DDX4: variants seen among roughly 807,000 people sequenced by gnomAD.
The protein encoded by DDX4 is probable ATP-dependent RNA helicase DDX4.
Under a neutral mutation model 100.0 loss-of-function variants are expected in DDX4, and 25 were observed. The observed-to-expected ratio is 0.25, with a 90% CI of 0.18 to 0.35. The LOEUF is 0.35. Among genes scored for constraint, DDX4 ranks in the 10% least tolerant of loss-of-function variants. The pLI, the probability that DDX4 is intolerant of heterozygous loss-of-function variation, is 1.00. For synonymous variants in DDX4, 259 were observed against 275.7 expected (o/e 0.94, Z 0.60); for missense variants, 635 against 882.4 (o/e 0.72, Z 3.55).
Position 55,787,901 on chromosome 5 carries a change from G to C in DDX4, c.1073G>C (p.Ser358Thr), listed in dbSNP as rs145392405. 2.5e-6 allele frequency: 4 copies of C among 1,613,858 alleles called. No individual in the cohort carries two copies. Among genetic ancestry groups the C allele is most frequent in the Non-Finnish European group, 3.4e-6 (4 of 1,179,976 alleles). ...ATGATGCATGATGGAATAACTGCCAGTCGTTTTAAAGAGTTGCAGGAACCA... is the reference window on the plus strand; with the variant it reads ...ATGATGCATGATGGAATAACTGCCACTCGTTTTAAAGAGTTGCAGGAACCA... ...AHMMHDGITA[S>T]RFKELQEPEC... Residue 358 changes from serine (S) to threonine (T), a missense_variant, in exon 15 of 22, where the codon AGT becomes ACT. By Grantham distance (58) the Ser-to-Thr change is moderately conservative. Around this residue, in one of 4 missense-constraint regions of DDX4, gnomAD observed 446 missense variants for 540.8 expected, o/e 0.82. Coordinates refer to ENST00000505374, the MANE Select transcript of DDX4 (RefSeq NM_024415.3).
intron 1 of DDX4, among the ~76,000 whole-genome samples, chr5:55,738,676 T>C (rs1391079229): frequency 6.6e-6 from 1 of 152,116 alleles, no homozygotes; most frequent in Non-Finnish European, 1.5e-5. Flanking sequence ...TATGAACAGA[T>C]GTTTGGGAAA....
At chr5:55,800,079 A>G (rs956827572) in intron 18 of DDX4, among the ~76,000 whole-genome samples, 4 of 152,184 alleles carry the variant, frequency 2.6e-5, no homozygotes, top group Admixed American at 2.0e-4. Context: ...CACTAATAGC[A>G]TATAAAAATA....
chr5:55,789,684 T>G (rs1742439228), intron 15 of DDX4, among the ~76,000 whole-genome samples: 1 of 152,214 alleles, frequency 6.6e-6, no homozygotes, highest in Non-Finnish European at 1.5e-5. Context: ...GGTCCTTTGT[T>G]GTAAAATTAT....
chr5:55,764,267 A>G (rs898838807), intron 6 of DDX4, among the ~76,000 whole-genome samples: 9 of 152,188 alleles, frequency 5.9e-5, no homozygotes, highest in African/African-American at 2.2e-4. Flanking sequence ...GCCTGTTGCC[A>G]TCTGCCTTAA....
Position 55,815,375 on chromosome 5 carries a change from C to T in DDX4, c.2049C>T (p.Phe683=), listed in dbSNP as rs765564232. 2.5e-6 allele frequency: 4 copies of T among 1,613,640 alleles called. No homozygotes were observed. In the African/African-American group the frequency reaches 4.0e-5, roughly 16 times the overall value. ...CCTTTAGTACATACATTCCTGGCTT[C>T]AGTGGTAGTACAAGAGGAAACGTGT... is the stretch of plus-strand genomic sequence containing the variant. ...EIAFSTYIPG[F]SGSTRGNVFA... Residue 683 remains phenylalanine (F), a synonymous_variant, in exon 21 of 22, where the codon TTC becomes TTT. Coordinates refer to ENST00000505374, the MANE Select transcript of DDX4 (RefSeq NM_024415.3).
rs114716303 is a variant in DDX4, at chr5:55,759,039, C to T, written c.128-1161C>T. On this transcript the variant is annotated intron_variant, in intron 3 of 21. Coordinates refer to ENST00000505374, the MANE Select transcript of DDX4 (RefSeq NM_024415.3). ...AAATAGCTGGGTCTACAGGTGTGCA[C>T]CACCACACCCAGCTACTTAAATTTT... Among the ~76,000 whole-genome samples the T allele has an allele frequency of 3.4e-3, 522 of 151,994 alleles. 7 individuals are homozygous for T. Among genetic ancestry groups the T allele is most frequent in the African/African-American group, 0.012 (507 of 41,482 alleles).
At chr5:55,755,353 A>G (rs1001690373) in intron 3 of DDX4, among the ~76,000 whole-genome samples, 1 of 152,012 alleles carries the variant, frequency 6.6e-6, no homozygotes, top group Non-Finnish European at 1.5e-5. Flanking sequence ...CTACTTGAAT[A>G]TTTGTTTTGT....
At chr5:55,792,267 A>G (rs139061140) in intron 16 of DDX4, among the ~76,000 whole-genome samples, 2 of 152,158 alleles carry the variant, frequency 1.3e-5, no homozygotes, top group African/African-American at 4.8e-5. Context: ...ATTGAACTGA[A>G]ATATACAGTA....
chr5:55,743,124 C>T (rs1402045456), intron 2 of DDX4, among the ~76,000 whole-genome samples: 1 of 152,142 alleles, frequency 6.6e-6, no homozygotes, highest in African/African-American at 2.4e-5. Context: ...AATTTATTCT[C>T]ATAGTTCTGG....
chr5:55,801,335 CAA>C (rs889005926), intron 18 of DDX4, among the ~76,000 whole-genome samples: 1 of 151,736 alleles, frequency 6.6e-6, no homozygotes, highest in African/African-American at 2.4e-5. Flanking sequence ...CCAAGGAAGC[CAA>C]AAGATTGGAC....
At chr5:55,744,127 C>T (rs374303890) in intron 2 of DDX4, among the ~76,000 whole-genome samples, 9 of 151,948 alleles carry the variant, frequency 5.9e-5, no homozygotes, top group South Asian at 2.1e-4. Context: ...AATGATGACT[C>T]GGAAAAATGT....
intron 17 of DDX4, among the ~76,000 whole-genome samples, chr5:55,795,906 C>T (rs1044275912): frequency 2.0e-5 from 3 of 152,126 alleles, no homozygotes; most frequent in Admixed American, 1.3e-4. Context: ...GATAGGCTGT[C>T]TGCAAGCTGG....
At chr5:55,749,293 G>A (rs1039050882) in intron 3 of DDX4, among the ~76,000 whole-genome samples, 11 of 152,104 alleles carry the variant, frequency 7.2e-5, no homozygotes, top group South Asian at 2.1e-4. Context: ...TTAGCTGGGC[G>A]TGGTGATGTG....
At chr5:55,791,787 A>G (rs1042592220) in intron 16 of DDX4, among the ~76,000 whole-genome samples, 8 of 152,200 alleles carry the variant, frequency 5.3e-5, no homozygotes, top group Admixed American at 5.2e-4. Flanking sequence ...CCTAATAGCT[A>G]GCTACCTTTG....
In DDX4 at chr5:55,787,953, A is replaced by C. The variant is rs1742343364; in HGVS notation, c.1125A>C (p.Arg375=). ...EPECIIVAPT[R]ELVNQIYLEA... ...AGTGTATTATTGTAGCACCAACTCGAGAATTGGTCAACCAGATTTATTTGG... is the reference window on the plus strand; with the variant it reads ...AGTGTATTATTGTAGCACCAACTCGCGAATTGGTCAACCAGATTTATTTGG... The change falls in exon 15 of 22, where the codon CGA becomes CGC. Residue 375 remains arginine (R), a synonymous_variant. Transcript: ENST00000505374. 1 of 1,613,710 alleles carries C rather than the reference A, an allele frequency of 6.2e-7. No homozygotes were observed. The highest frequency in any genetic ancestry group is 1.3e-5 in the African/African-American group (1 of 74,920).
chr5:55,745,082 G>A (rs2111591232), intron 2 of DDX4, among the ~76,000 whole-genome samples: 1 of 152,212 alleles, frequency 6.6e-6, no homozygotes, highest in Non-Finnish European at 1.5e-5. Flanking sequence ...GTTTCTCCAT[G>A]TTGGTCAGGC....
chr5:55,767,019 A>G lies in DDX4; in HGVS notation c.335-862A>G, dbSNP rs534264585. 3 of 1,493,092 alleles carry G rather than the reference A, an allele frequency of 2.0e-6. No homozygotes were observed. In the South Asian group the frequency reaches 4.0e-5, roughly 20 times the overall value. The allele number at this position is 1,493,092 out of a possible 1,614,324, so 92.5% of individuals were successfully genotyped here. On this transcript the variant is annotated intron_variant, in intron 6 of 21. Coordinates refer to ENST00000505374, the MANE Select transcript of DDX4 (RefSeq NM_024415.3). ...TAATCTCTCATACTACTATTTTAAA[A>G]CTCTGGGAATGTTACTTACTAATAT...
intron 3 of DDX4, among the ~76,000 whole-genome samples, chr5:55,754,083 G>A (rs1337696274): frequency 6.9e-6 from 1 of 145,788 alleles, no homozygotes; most frequent in African/African-American, 2.5e-5. Context: ...CTGAGACGAT[G>A]GGGTTTTCTA....
At chr5:55,814,860 T>C (rs1275348793) in intron 19 of DDX4, 41 bp from the exon 20 acceptor site, 1 of 1,572,234 alleles carries the variant, frequency 6.4e-7, no homozygotes, top group South Asian at 1.2e-5. Context: ...CTTTAATGAT[T>C]TTAAGAGTGG....
Sources: gnomAD v4.1 joint callset for allele counts (sites outside exome capture counted in the v4.1 genomes callset) on GRCh38, gnomAD v4.1.1 for gene constraint, gnomAD v4.1.1 regional missense constraint, MANE v1.5 for transcripts, NCBI Gene and HGNC (gene_info 2026-07-23, HGNC 2026-07-21) for gene names.